The following DNAI2 variants were observed in gnomAD, a reference collection of about 807,000 sequenced individuals.
DNAI2 encodes the protein dynein axonemal intermediate chain 2.
A neutral mutation model predicts 74.7 loss-of-function variants in DNAI2; 63 were observed. That is an observed-to-expected ratio of 0.84 (90% CI 0.69 to 1.04). The LOEUF (loss-of-function observed/expected upper bound fraction) is 1.04. Among genes scored for constraint, DNAI2 ranks in the 50% least tolerant of loss-of-function variants. DNAI2 has a pLI of 0.00. For missense variants in DNAI2, 688 were observed against 803.2 expected, an observed-to-expected ratio of 0.86 and a Z score of 1.73; for synonymous variants, 289 against 314.9, an observed-to-expected ratio of 0.92 and a Z score of 0.87.
intron 6 of DNAI2, among the ~76,000 whole-genome samples, chr17:74,296,240 T>C (rs2052413729): frequency 6.6e-6 from 1 of 151,254 alleles, no homozygotes. Flanking sequence ...TTTGAGAAGC[T>C]GAGGCGGGAG....
chr17:74,275,556 CT>C (rs746293418), intron 1 of DNAI2, among the ~76,000 whole-genome samples: 3 of 152,160 alleles, frequency 2.0e-5, no homozygotes, highest in Non-Finnish European at 4.4e-5. Flanking sequence ...GAAACCCCAT[CT>C]TTACTAAAAA....
At chr17:74,275,412 A>C (rs1039538532) in intron 1 of DNAI2, among the ~76,000 whole-genome samples, 1 of 152,110 alleles carries the variant, frequency 6.6e-6, no homozygotes, top group African/African-American at 2.4e-5. Flanking sequence ...GGAATTCCAG[A>C]AGGTGCACAA....
Position 74,314,235 on chromosome 17 carries a change from G to C in DNAI2, c.*19G>C, listed in dbSNP as rs757199467. On this transcript the variant is annotated 3_prime_UTR_variant, in exon 13 of 14. Transcript: ENST00000311014. ...AGCCTAGAAGTCAGCCTTCGACTGC[G>C]GCGCTATCCCTGTGTGCCTTCCTTT... The C allele has an allele frequency of 6.2e-7, 1 of 1,613,794 alleles. No homozygotes were observed. The highest frequency in any genetic ancestry group is 1.1e-5 in the South Asian group (1 of 91,066).
intron 10 of DNAI2, chr17:74,309,632 A>G: frequency 1.4e-6 from 1 of 701,822 alleles, no homozygotes; most frequent in Non-Finnish European, 2.6e-6. Context: ...GGGAAATTTA[A>G]AAAGAAACAA....
chr17:74,304,965 C>T (rs551425992), intron 8 of DNAI2, among the ~76,000 whole-genome samples: 2 of 152,178 alleles, frequency 1.3e-5, no homozygotes, highest in African/African-American at 4.8e-5. Context: ...GACCTGACAA[C>T]CCTCCAGGAC....
intron 2 of DNAI2, among the ~76,000 whole-genome samples, chr17:74,282,632 A>G (rs765198335): frequency 2.3e-4 from 35 of 152,188 alleles, no homozygotes; most frequent in Non-Finnish European, 3.7e-4. Context: ...GCAGAGATTC[A>G]TATCTACAGG....
intron 1 of DNAI2, among the ~76,000 whole-genome samples, chr17:74,276,596 C>T (rs2143834992): frequency 6.6e-6 from 1 of 152,300 alleles, no homozygotes; most frequent in South Asian, 2.1e-4. Flanking sequence ...TGCTCTGGGT[C>T]CTTGAATGGG....
intron 3 of DNAI2, among the ~76,000 whole-genome samples, chr17:74,286,514 G>A (rs924098728): frequency 5.3e-5 from 8 of 151,814 alleles, no homozygotes; most frequent in East Asian, 2.0e-4. Context: ...TCCACCTCCC[G>A]GGTTCAAGCA....
rs751171647 is a variant in DNAI2, at chr17:74,291,002, T to C, written c.611-18T>C. On this transcript the variant is annotated intron_variant, in intron 5 of 13. Coordinates refer to ENST00000311014, the MANE Select transcript of DNAI2 (RefSeq NM_023036.6). ...TTCTTTCCGGGCCTGGTGGGGATAATTTTTTTGTGCTTTATAGAAAACCCC... is the reference window on the plus strand; with the variant it reads ...TTCTTTCCGGGCCTGGTGGGGATAACTTTTTTGTGCTTTATAGAAAACCCC... 6.2e-7 allele frequency: 1 copy of C among 1,607,202 alleles called. No homozygotes were observed. Among genetic ancestry groups the C allele is most frequent in the Non-Finnish European group, 8.5e-7 (1 of 1,173,986 alleles).
rs547609783 is a variant in DNAI2 at position 74,300,957 on chromosome 17, C to A, written c.865-89C>A. 3.2e-6 allele frequency: 5 copies of A among 1,583,032 alleles called. No individual in the cohort carries two copies. Among genetic ancestry groups the A allele is most frequent in the Non-Finnish European group, 4.3e-6 (5 of 1,161,254 alleles). On this transcript the variant is annotated intron_variant, in intron 7 of 13. Transcript: ENST00000311014. This position sits in a 1 kb window ranked among gnomAD's most constrained non-coding sequence, Gnocchi z 4.5. The stretch of plus-strand genomic sequence containing the variant: ...CCATCCTTTGTGGCCCAGTGGCTGA[C>A]CCCAGGACGGTGGGGTGAGGGCGGA...
rs535244837 is a variant in DNAI2, at chr17:74,306,070, G to C, written c.1211+628G>C. 2.0e-5 allele frequency among the ~76,000 whole-genome samples: 3 copies of C among 152,292 alleles called. No homozygotes were observed. The East Asian group carries it at 5.8e-4, about 29-fold the overall frequency. ...TGTTAGGGAACTGGGCTACAGAAAG[G>C]CCAAGCCACTTGCTCCTGCTCTCCC... On this transcript the variant is annotated intron_variant, in intron 9 of 13. Transcript: ENST00000311014.
At chr17:74,305,719 CTG>C (rs1457796472) in intron 9 of DNAI2, among the ~76,000 whole-genome samples, 1 of 136,590 alleles carries the variant, frequency 7.3e-6, no homozygotes, top group Admixed American at 7.8e-5. Flanking sequence ...GTTCCCCAGA[CTG>C]AGTGCAGTGG....
At chr17:74,275,735 A>T (rs1321685165) in intron 1 of DNAI2, among the ~76,000 whole-genome samples, 1 of 152,074 alleles carries the variant, frequency 6.6e-6, no homozygotes, top group Admixed American at 6.6e-5. Flanking sequence ...TCAAAAAAAA[A>T]AAAAATTAGC....
At chr17:74,310,820 G>A (rs867303313) in intron 11 of DNAI2, among the ~76,000 whole-genome samples, 63 of 151,920 alleles carry the variant, frequency 4.1e-4, no homozygotes, top group African/African-American at 1.2e-3. Flanking sequence ...GATTATAGGC[G>A]TGAGCCACCG....
At chr17:74,307,845 T>C (rs1184514040) in intron 9 of DNAI2, among the ~76,000 whole-genome samples, 1 of 152,136 alleles carries the variant, frequency 6.6e-6, no homozygotes, top group Non-Finnish European at 1.5e-5. Context: ...TTGCCCAGGC[T>C]GGAGTGCAGT....
At chr17:74,277,027 T>C (rs569637444) in intron 1 of DNAI2, among the ~76,000 whole-genome samples, 2 of 152,082 alleles carry the variant, frequency 1.3e-5, no homozygotes, top group South Asian at 4.1e-4. Flanking sequence ...GGGCTTCTCA[T>C]CCCACCCTGT....
intron 8 of DNAI2, 83 bp from the exon 9 acceptor site, chr17:74,305,136 C>T: frequency 6.8e-7 from 1 of 1,460,646 alleles, no homozygotes; most frequent in Non-Finnish European, 9.5e-7. Context: ...TGCAGACCCC[C>T]CAAGCAAGCT....
chr17:74,313,757 T>C (rs1157923964), intron 12 of DNAI2: 5 of 315,056 alleles, frequency 1.6e-5, no homozygotes, highest in African/African-American at 1.1e-4. Context: ...GAAGCTGTTT[T>C]ACATAGGCTG....
At chr17:74,289,558 C>T in intron 4 of DNAI2, 36 bp from the exon 5 acceptor site, 1 of 1,611,586 alleles carries the variant, frequency 6.2e-7, no homozygotes, top group South Asian at 1.1e-5. Context: ...GGGAACCTCA[C>T]ATCCAGCCTT....
Sources: allele counts gnomAD v4.1 joint callset (sites outside exome capture counted in the v4.1 genomes callset), GRCh38; gene constraint gnomAD v4.1.1; non-coding constraint Gnocchi (gnomAD v3.1); transcripts MANE v1.5; gene names NCBI Gene and HGNC (gene_info 2026-07-23, HGNC 2026-07-21).